The following KLHL32 variants were observed in gnomAD, a reference collection of about 807,000 sequenced individuals.
KLHL32 encodes kelch like family member 32.
Under a neutral mutation model 64.8 loss-of-function variants are expected in KLHL32, and 35 were observed. The observed-to-expected ratio is 0.54, with a 90% CI of 0.41 to 0.72. The LOEUF (loss-of-function observed/expected upper bound fraction) is 0.72. Among genes scored for constraint, KLHL32 ranks in the 30% least tolerant of loss-of-function variants. The pLI is 0.00. For missense variants in KLHL32, 589 were observed against 768.5 expected (o/e 0.77, Z 2.76); for synonymous variants, 259 against 281.0 (o/e 0.92, Z 0.78).
chr6:96,963,049 C>A (rs1019602741), intron 1 of KLHL32, among the ~76,000 whole-genome samples: 1 of 152,084 alleles, frequency 6.6e-6, no homozygotes, highest in Non-Finnish European at 1.5e-5. Flanking sequence ...GGGGAAAAAT[C>A]TTTTTTCCTC....
chr6:96,962,817 C>G (rs1248404467), intron 1 of KLHL32, among the ~76,000 whole-genome samples: 1 of 152,120 alleles, frequency 6.6e-6, no homozygotes, highest in Non-Finnish European at 1.5e-5. Flanking sequence ...TAAGAAACTA[C>G]CCTAGCCTAG....
chr6:97,092,434 G>A (rs762672719), intron 6 of KLHL32, among the ~76,000 whole-genome samples: 1 of 152,074 alleles, frequency 6.6e-6, no homozygotes, highest in South Asian at 2.1e-4. Context: ...TTACAAATTT[G>A]TACCACTTCT....
chr6:97,040,896 G>GCTTCGCCTTCAC (rs1554223012), intron 3 of KLHL32, among the ~76,000 whole-genome samples: 3 of 152,110 alleles, frequency 2.0e-5, no homozygotes, highest in South Asian at 2.1e-4. Flanking sequence ...AAGGTGCCTT[G>GCTTCGCCTTCAC]CTTCGCCTTC....
intron 3 of KLHL32, among the ~76,000 whole-genome samples, chr6:97,031,251 C>T (rs905515625): frequency 1.3e-5 from 2 of 152,048 alleles, no homozygotes; most frequent in African/African-American, 4.8e-5. Flanking sequence ...TGTATTATAC[C>T]CAAGACATTG....
chr6:96,912,340 A>G, the KLHL32 span, among the ~76,000 whole-genome samples: 83 of 152,162 alleles, frequency 5.5e-4, no homozygotes, highest in African/African-American at 2.0e-3. Flanking sequence ...TAACCACCAA[A>G]CAGATAAACC....
At chr6:96,999,563 T>A in intron 3 of KLHL32, 4 of 971,516 alleles carry the variant, frequency 4.1e-6, no homozygotes, top group Non-Finnish European at 4.9e-6. Context: ...AATCCAGGTA[T>A]TAGGACCATT....
intron 5 of KLHL32, among the ~76,000 whole-genome samples, chr6:97,080,458 C>A (rs1477635750): frequency 6.6e-6 from 1 of 152,196 alleles, no homozygotes; most frequent in African/African-American, 2.4e-5. Flanking sequence ...CAGGGACACA[C>A]AAGGCATGAG....
intron 3 of KLHL32, among the ~76,000 whole-genome samples, chr6:96,990,787 G>A (rs1777767944): frequency 6.6e-6 from 1 of 152,110 alleles, no homozygotes; most frequent in Admixed American, 6.5e-5. Context: ...GTGATGAGCA[G>A]GGAGCATTGG....
At position 97,085,242 on chromosome 6, in the gene KLHL32, G is replaced by A. The variant is rs141026525; in HGVS notation, c.528G>A (p.Lys176=). The stretch of plus-strand genomic sequence containing the variant: ...TGAAACATCTCTCTGAACTCCTGAA[G>A]AGCCGCCCAGAAGAAGTTCTAACGC... The part of the protein sequence containing the change: ...FLVKHLSELL[K]SRPEEVLTLP... The change falls in exon 6 of 11, where the codon AAG becomes AAA. Residue 176 remains lysine (K), a synonymous_variant. Coordinates refer to ENST00000369261, the MANE Select transcript of KLHL32 (RefSeq NM_052904.4). 77 of 1,613,846 alleles carry A rather than the reference G, an allele frequency of 4.8e-5. No homozygotes were observed. Among genetic ancestry groups the A allele is most frequent in the Non-Finnish European group, 5.5e-5 (65 of 1,180,038 alleles).
At chr6:97,083,874 G>A (rs1792981178) in intron 5 of KLHL32, among the ~76,000 whole-genome samples, 2 of 152,144 alleles carry the variant, frequency 1.3e-5, no homozygotes, top group East Asian at 1.9e-4. Flanking sequence ...AAATTTAAAA[G>A]CAGCATTATT....
chr6:96,953,614 A>G lies in KLHL32; in HGVS notation c.-65-13382A>G, dbSNP rs140195232. Among the ~76,000 whole-genome samples the G allele has an allele frequency of 8.7e-3, 1,314 of 151,844 alleles. 19 individuals carry two copies. Among genetic ancestry groups the G allele is most frequent in the African/African-American group, 0.03 (1,259 of 41,380 alleles). Reference sequence around the variant, plus strand: ...CACTGTACTCCAGCCTGGGTGACAGAGTGAGACTCCATCTCAAAAAAAAAA... The same window carrying G: ...CACTGTACTCCAGCCTGGGTGACAGGGTGAGACTCCATCTCAAAAAAAAAA... On this transcript the variant is annotated intron_variant, in intron 1 of 10. Coordinates refer to ENST00000369261, the MANE Select transcript of KLHL32 (RefSeq NM_052904.4).
chr6:96,979,731 A>G (rs1016382865), intron 3 of KLHL32, among the ~76,000 whole-genome samples: 2 of 152,206 alleles, frequency 1.3e-5, no homozygotes, highest in Non-Finnish European at 2.9e-5. Flanking sequence ...ATAACATTGA[A>G]TGTGTACATT....
rs531466190 is a variant in KLHL32, at chr6:96,985,165, A to T, written c.204+8988A>T. On this transcript the variant is annotated intron_variant, in intron 3 of 10. Transcript: ENST00000369261. ...TGGCTGGATATGAAATTCTGGGTTG[A>T]AAATTCTTTTCTTTAAGAATGTTGA... Among the ~76,000 whole-genome samples the T allele has an allele frequency of 8.3e-3, 1,265 of 152,288 alleles. 11 individuals are homozygous for T. The highest frequency in any genetic ancestry group is 0.012 in the South Asian group (60 of 4,820).
chr6:97,116,026 A>G (rs550326647), intron 7 of KLHL32, among the ~76,000 whole-genome samples: 1 of 152,186 alleles, frequency 6.6e-6, no homozygotes, highest in Non-Finnish European at 1.5e-5. Context: ...CCAGGAAGAT[A>G]GTCACAGGCT....
At chr6:97,087,818 C>G (rs1457391568) in intron 6 of KLHL32, among the ~76,000 whole-genome samples, 1 of 152,136 alleles carries the variant, frequency 6.6e-6, no homozygotes, top group Non-Finnish European at 1.5e-5. Flanking sequence ...GCTCTGAAGA[C>G]CTGTCATAAG....
rs181185156 is a variant in KLHL32 at position 97,086,628 on chromosome 6, G to A, written c.627+1287G>A. Among the ~76,000 whole-genome samples the A allele has an allele frequency of 1.9e-3, 292 of 152,212 alleles. 1 individual carries two copies. The highest frequency in any genetic ancestry group is 6.4e-3 in the African/African-American group (265 of 41,516). On this transcript the variant is annotated intron_variant, in intron 6 of 10. Coordinates refer to ENST00000369261, the MANE Select transcript of KLHL32 (RefSeq NM_052904.4). ...CCCCATGTCTTCAATATTCCACACT[G>A]TCTTGATAAAGAAAATATAAGGACC...
intron 5 of KLHL32, 25 bp from the exon 6 acceptor site, chr6:97,085,101 T>C (rs1277159445): frequency 1.3e-6 from 2 of 1,591,910 alleles, no homozygotes; most frequent in South Asian, 2.2e-5. Context: ...GAGATCTTTT[T>C]TCATTTTTAT....
At chr6:97,118,988 A>C (rs1010267516) in intron 7 of KLHL32, among the ~76,000 whole-genome samples, 3 of 152,190 alleles carry the variant, frequency 2.0e-5, no homozygotes, top group Non-Finnish European at 2.9e-5. Flanking sequence ...GGAGGTGCCT[A>C]ACTTAGCTGC....
chr6:96,900,213 G>T, the KLHL32 span, among the ~76,000 whole-genome samples: 1 of 152,290 alleles, frequency 6.6e-6, no homozygotes, highest in East Asian at 1.9e-4. Flanking sequence ...TGGGATAATA[G>T]TAATCACCTA....
Sources: allele counts gnomAD v4.1 joint callset (sites outside exome capture counted in the v4.1 genomes callset), GRCh38; gene constraint gnomAD v4.1.1; transcripts MANE v1.5; gene names NCBI Gene and HGNC (gene_info 2026-07-23, HGNC 2026-07-21).